RNF121: variants seen among roughly 807,000 people sequenced by gnomAD.
RNF121 encodes the protein ring finger protein 121.
In RNF121, 21 loss-of-function variants were observed where a neutral mutation model predicts 46.5. That is an observed-to-expected ratio of 0.45 (90% CI 0.32 to 0.65). The LOEUF (loss-of-function observed/expected upper bound fraction) is 0.65, where lower values mean the gene tolerates loss of function less well. Ranked by LOEUF, RNF121 falls within the 30% of genes least tolerant of loss-of-function variation. The probability of loss-of-function intolerance (pLI) is 0.04; values close to 1 mark genes in which losing one functional copy is unlikely to be tolerated. For missense variants in RNF121, 346 were observed against 416.0 expected (o/e 0.83, Z 1.46); for synonymous variants, 139 against 144.7 (o/e 0.96, Z 0.28).
intron 3 of RNF121, among the ~76,000 whole-genome samples, chr11:71,968,967 C>T (rs1954356767): frequency 6.7e-6 from 1 of 149,436 alleles, no homozygotes; most frequent in Non-Finnish European, 1.5e-5. Context: ...CTCACTGCAA[C>T]CTCCGCCTCT....
chr11:71,983,078 C>T (rs569218077), intron 4 of RNF121, 163 bp downstream of exon 4: 5 of 489,734 alleles, frequency 1.0e-5, no homozygotes, highest in African/African-American at 1.0e-4. Context: ...AACCCCTCCC[C>T]TATTTATCGA....
intron 3 of RNF121, among the ~76,000 whole-genome samples, chr11:71,972,983 T>C (rs1954451652): frequency 6.6e-6 from 1 of 152,160 alleles, no homozygotes; most frequent in South Asian, 2.1e-4. Context: ...GGTCAGGAGT[T>C]GGAGACCATC....
intron 6 of RNF121, among the ~76,000 whole-genome samples, chr11:71,991,955 A>C (rs1325419683): frequency 7.6e-6 from 1 of 131,600 alleles, no homozygotes; most frequent in Non-Finnish European, 1.7e-5. Context: ...AAAATGAGAC[A>C]AAAAAAAAAA....
intron 4 of RNF121, 115 bp downstream of exon 4, chr11:71,983,030 T>C (rs1218600399): frequency 2.9e-6 from 3 of 1,050,774 alleles, no homozygotes; most frequent in Non-Finnish European, 3.9e-6. Context: ...GCCAAAATTA[T>C]TTGGCATGGG....
chr11:71,979,092 C>T (rs1353744282), intron 3 of RNF121, among the ~76,000 whole-genome samples: 3 of 152,140 alleles, frequency 2.0e-5, no homozygotes, highest in African/African-American at 7.2e-5. Context: ...TTTCTGTACT[C>T]CTTTTCCCAT....
At chr11:71,942,787 T>G (rs115566969) in intron 1 of RNF121, among the ~76,000 whole-genome samples, 1,490 of 144,786 alleles carry the variant, frequency 0.01, 10 homozygotes, top group Non-Finnish European at 0.014. Context: ...TATATATATA[T>G]ATAGATATAT....
At position 71,987,066 on chromosome 11, in the gene RNF121, A is replaced by C; in HGVS notation, c.461A>C (p.Tyr154Ser). 1 of 1,614,000 alleles carries C rather than the reference A, an allele frequency of 6.2e-7. No individual in the cohort carries two copies. The highest frequency in any genetic ancestry group is 8.5e-7 in the Non-Finnish European group (1 of 1,179,856). The stretch of plus-strand genomic sequence containing the variant: ...AGCTATGCCACTGGCATTGTTGGCT[A>C]CATGGCTGTCATGTTTACCCTCTTT... The part of the protein sequence containing the change: ...KISYATGIVG[Y>S]MAVMFTLFGL... Residue 154 changes from tyrosine to serine, a missense_variant, in exon 5 of 9, where the codon TAC becomes TCC. By Grantham distance (144) the Tyr-to-Ser change is moderately radical. This residue lies in a region of RNF121 where 286 missense variants were observed against 383.8 expected (regional missense o/e 0.75). Coordinates refer to ENST00000361756, the MANE Select transcript of RNF121 (RefSeq NM_018320.5).
chr11:71,972,922 C>T (rs1954450042), intron 3 of RNF121, among the ~76,000 whole-genome samples: 1 of 152,250 alleles, frequency 6.6e-6, no homozygotes, highest in Non-Finnish European at 1.5e-5. Flanking sequence ...TGCGGTGGCT[C>T]ATGCCTATAA....
intron 3 of RNF121, among the ~76,000 whole-genome samples, chr11:71,980,518 TG>T (rs1954628935): frequency 6.6e-6 from 1 of 152,180 alleles, no homozygotes; most frequent in African/African-American, 2.4e-5. Flanking sequence ...GGCTAATTTT[TG>T]TATTTTTAGT....
intron 5 of RNF121, among the ~76,000 whole-genome samples, chr11:71,987,766 C>T (rs572755545): frequency 6.6e-4 from 101 of 152,312 alleles, no homozygotes; most frequent in Non-Finnish European, 1.2e-3. Context: ...TGGTTGGCTA[C>T]AGCTAGCAAC....
At chr11:71,962,374 A>G in intron 3 of RNF121, 1 of 792,066 alleles carries the variant, frequency 1.3e-6, no homozygotes, top group Non-Finnish European at 1.5e-6. Flanking sequence ...CATTATCTTA[A>G]GGAAAAACTC....
At chr11:71,942,122 A>T (rs1035948470) in intron 1 of RNF121, among the ~76,000 whole-genome samples, 1 of 151,656 alleles carries the variant, frequency 6.6e-6, no homozygotes, top group African/African-American at 2.4e-5. Context: ...TTTATTAGAG[A>T]CGGGGTTTCA....
Position 71,990,664 on chromosome 11 carries a change from C to T in RNF121, c.574C>T (p.Leu192=). The part of the protein sequence containing the change: ...LLFYGLYYGV[L]ERDFAEMCAD... Reference sequence around the variant, plus strand: ...CTTCTATGGCCTCTACTATGGAGTTCTGGAACGGGACTTTGCAGAAATGTG... The same window carrying T: ...CTTCTATGGCCTCTACTATGGAGTTTTGGAACGGGACTTTGCAGAAATGTG... Residue 192 remains leucine, a synonymous_variant, in exon 6 of 9, where the codon CTG becomes TTG. Coordinates refer to ENST00000361756, the MANE Select transcript of RNF121 (RefSeq NM_018320.5). The T allele has an allele frequency of 6.2e-7, 1 of 1,614,184 alleles. No homozygotes were observed. The highest frequency in any genetic ancestry group is 8.5e-7 in the Non-Finnish European group (1 of 1,180,030).
chr11:71,996,130 C>T, intron 8 of RNF121, 65 bp from the exon 9 acceptor site: 1 of 1,591,026 alleles, frequency 6.3e-7, no homozygotes, highest in African/African-American at 1.3e-5. Context: ...GGGAGCCCCA[C>T]CACCCATGCT....
rs569635385 is a variant in RNF121 at position 71,987,111 on chromosome 11, A to G, written c.506A>G (p.Lys169Arg). 3.2e-6 allele frequency: 5 copies of G among 1,583,888 alleles called. No individual in the cohort carries two copies. The East Asian group carries it at 8.9e-5, about 28-fold the overall frequency. Reference sequence around the variant, plus strand: ...CTCTTTGGTCTTAACTTATTATTCAAGTGAGTACCCTTTGTTTTTGTTTTT... The same window carrying G: ...CTCTTTGGTCTTAACTTATTATTCAGGTGAGTACCCTTTGTTTTTGTTTTT... ...FTLFGLNLLF[K>R]IKPEDAMDFG... is the part of the protein sequence containing the mutation. Residue 169 changes from lysine (K) to arginine (R), a missense_variant and splice_region_variant, in exon 5 of 9, where the codon AAG becomes AGG. Around this residue, in one of 2 missense-constraint regions of RNF121, gnomAD observed 286 missense variants for 383.8 expected, o/e 0.75. Transcript: ENST00000361756.
intron 5 of RNF121, 28 bp downstream of exon 5, chr11:71,987,139 T>C: frequency 6.8e-7 from 1 of 1,462,828 alleles, no homozygotes. Context: ...TTGTTTTTGC[T>C]GGAGTTTGGG....
chr11:71,967,349 G>GTTTTTTTTTTTTTT (rs770121817), intron 3 of RNF121, among the ~76,000 whole-genome samples: 34 of 100,530 alleles, frequency 3.4e-4, no homozygotes, highest in African/African-American at 4.9e-4. Context: ...GGTTTTTTTT[G>GTTTTTTTTTTTTTT]TTTTTTTTTT....
In RNF121 at chr11:71,934,695, T is replaced by G. The variant is rs555938269; in HGVS notation, c.63+5571T>G. Among the ~76,000 whole-genome samples, 50 of 152,210 alleles carry G rather than the reference T, an allele frequency of 3.3e-4. No individual in the cohort carries two copies. The South Asian group carries it at 0.01, about 32-fold the overall frequency. The stretch of plus-strand genomic sequence containing the variant: ...ACTACCTCTGGATTTTTTTTAGGCA[T>G]GTAAAATGAGTGGTGGCAAGTGTAG... On this transcript the variant is annotated intron_variant, in intron 1 of 8. Transcript: ENST00000361756.
Position 71,972,467 on chromosome 11 carries a change from A to G in RNF121, c.244-10294A>G, listed in dbSNP as rs925974674. Among the ~76,000 whole-genome samples, 5 of 152,200 alleles carry G rather than the reference A, an allele frequency of 3.3e-5. No homozygotes were observed. The South Asian group carries it at 8.3e-4, about 25-fold the overall frequency. On this transcript the variant is annotated intron_variant, in intron 3 of 8. Coordinates refer to ENST00000361756, the MANE Select transcript of RNF121 (RefSeq NM_018320.5). ...GAAACTTTTTGTCCTTCACTAGTGC[A>G]GGTTGGTGGCGCAGCCTTTTAGTGG...
Sources: gnomAD v4.1 joint callset for allele counts (sites outside exome capture counted in the v4.1 genomes callset) on GRCh38, gnomAD v4.1.1 for gene constraint, gnomAD v4.1.1 regional missense constraint, MANE v1.5 for transcripts, NCBI Gene and HGNC (gene_info 2026-07-23, HGNC 2026-07-21) for gene names.